The following KIAA2012 variants were observed in gnomAD, a reference collection of about 807,000 sequenced individuals.
KIAA2012 encodes uncharacterized protein KIAA2012.
A neutral mutation model predicts 150.6 loss-of-function variants in KIAA2012; 125 were observed. That is an observed-to-expected ratio of 0.83 (90% confidence interval 0.72 to 0.96). KIAA2012 has a LOEUF of 0.96. Ranked by LOEUF, KIAA2012 falls within the 40% of genes least tolerant of loss-of-function variation. The pLI, the probability that KIAA2012 is intolerant of heterozygous loss-of-function variation, is 0.00. For missense variants in KIAA2012, 1,219 were observed against 1,354.9 expected, an observed-to-expected ratio of 0.90 and a Z score of 1.57; for synonymous variants, 462 against 504.7, an observed-to-expected ratio of 0.92 and a Z score of 1.13.
chr2:202,184,668 C>T (rs1304462012), intron 15 of KIAA2012, 85 bp from the exon 16 acceptor site: 15 of 905,082 alleles, frequency 1.7e-5, no homozygotes, highest in Non-Finnish European at 2.1e-5. Context: ...TTTGGCTACT[C>T]ACCAGGTAGA....
chr2:202,164,877 G>A (rs1341856284), intron 14 of KIAA2012, among the ~76,000 whole-genome samples: 3 of 151,996 alleles, frequency 2.0e-5, no homozygotes, highest in Admixed American at 2.0e-4. Flanking sequence ...ATGAAAATAA[G>A]TACAACCAGA....
In KIAA2012 at chr2:202,133,101, T is replaced by TAAAAAA. The variant is rs376450801; in HGVS notation, c.1832-5327_1832-5322dup. Among the ~76,000 whole-genome samples, 54 of 74,136 alleles carry TAAAAAA rather than the reference T, an allele frequency of 7.3e-4. 1 individual carries two copies. The highest frequency in any genetic ancestry group is 1.7e-3 in the African/African-American group (28 of 16,760). The allele number at this position is 74,136 out of a possible 152,430, so 48.6% of individuals were successfully genotyped here. On this transcript the variant is annotated intron_variant, in intron 12 of 23. Transcript: ENST00000498697. ...GCCTGGGCGACAGTGTGAGACTGTC[T>TAAAAAA]AAAAAAAAATATATATATATATATA...
intron 13 of KIAA2012, among the ~76,000 whole-genome samples, chr2:202,149,072 C>A (rs1691365877): frequency 6.6e-6 from 1 of 152,122 alleles, no homozygotes. Flanking sequence ...AGGAAGGGCC[C>A]CTTCCAGGAT....
chr2:202,086,167 CAAAAAAA>C (rs56207993), intron 2 of KIAA2012, among the ~76,000 whole-genome samples: 6 of 90,152 alleles, frequency 6.7e-5, no homozygotes, highest in Admixed American at 1.3e-4. Flanking sequence ...AACTCTGTCT[CAAAAAAA>C]AAAAAAAAAA....
rs755339954 is a variant in KIAA2012, at chr2:202,193,382, G to T, written c.2893G>T (p.Val965Leu). Residue 965 changes from valine to leucine, a missense_variant, in exon 20 of 24, where the codon GTG becomes TTG. Physicochemically the swap from Val to Leu is conservative, Grantham distance 32. Transcript: ENST00000498697. Reference protein sequence around the residue: ...AERAEMRWLEVEKKRREQEEQ... With the variant: ...AERAEMRWLELEKKRREQEEQ... ...AAGAGCCGAGATGAGGTGGCTGGAG[G>T]TGGAGAAGAAGAGAAGGGAGCAGGA... The T allele has an allele frequency of 3.2e-6, 5 of 1,550,264 alleles. No individual in the cohort carries two copies. The highest frequency in any genetic ancestry group is 4.4e-6 in the Non-Finnish European group (5 of 1,146,862).
intron 15 of KIAA2012, among the ~76,000 whole-genome samples, chr2:202,171,476 G>C (rs1169273476): frequency 1.3e-5 from 2 of 152,222 alleles, no homozygotes; most frequent in Non-Finnish European, 2.9e-5. Flanking sequence ...CCTCTCTGCT[G>C]CGCGAGGTCG....
At chr2:202,184,407 T>C (rs184974317) in intron 15 of KIAA2012, among the ~76,000 whole-genome samples, 35 of 151,418 alleles carry the variant, frequency 2.3e-4, no homozygotes, top group African/African-American at 8.0e-4. Context: ...AAAAGTAATG[T>C]AATAAGAAGT....
rs569989875 is a variant in KIAA2012 at position 202,179,822 on chromosome 2, G to A, written c.2120-4931G>A. The A allele has an allele frequency of 3.1e-3, 1,918 of 620,974 alleles. 37 individuals are homozygous for A. Among genetic ancestry groups the A allele is most frequent in the South Asian group, 0.021 (1,552 of 73,290 alleles). The allele number at this position is 620,974 out of a possible 1,614,324, so 38.5% of individuals were successfully genotyped here. A position where few individuals can be genotyped will look rare whatever the true frequency, so the allele number is the denominator to read the frequency against. On this transcript the variant is annotated intron_variant, in intron 15 of 23. Transcript: ENST00000498697. ...AATGGGGAAACTTCCCTTGAGAAAA[G>A]ATAAAATGAAGATCTGGAACTTGAA...
In KIAA2012 at chr2:202,171,847, C is replaced by CTTT. The variant is rs60916677; in HGVS notation, c.2119+6508_2119+6510dup. Among the ~76,000 whole-genome samples, 885 of 116,676 alleles carry CTTT rather than the reference C, an allele frequency of 7.6e-3. 28 individuals carry two copies. Among genetic ancestry groups the CTTT allele is most frequent in the African/African-American group, 0.025 (722 of 29,300 alleles). 76.5% of individuals were successfully genotyped at this position (116,676 alleles called of 152,430 possible). ...AAAGGGAAGTAATTTTTGGCATTTA[C>CTTT]TTTTTTTTTTTTTTTTTTTGGAGAC... On this transcript the variant is annotated intron_variant, in intron 15 of 23. Transcript: ENST00000498697.
At chr2:202,178,916 T>C (rs919408616) in intron 15 of KIAA2012, 1 of 212,356 alleles carries the variant, frequency 4.7e-6, no homozygotes, top group Non-Finnish European at 9.4e-6. Flanking sequence ...CAAAATAACA[T>C]TGAAAAACAG....
chr2:202,179,548 G>T, intron 15 of KIAA2012: 1 of 686,680 alleles, frequency 1.5e-6, no homozygotes, highest in Non-Finnish European at 2.8e-6. Context: ...ATAACAAAGT[G>T]CTTGTGCACA....
intron 4 of KIAA2012, 46 bp from the exon 5 acceptor site, chr2:202,097,389 C>T (rs988649520): frequency 1.0e-5 from 16 of 1,545,830 alleles, no homozygotes; most frequent in African/African-American, 1.4e-5. Context: ...AAGAACACCA[C>T]GTCCATTTCC....
chr2:202,194,490 T>C, intron 21 of KIAA2012, 128 bp downstream of exon 21: 1 of 769,982 alleles, frequency 1.3e-6, no homozygotes, highest in Non-Finnish European at 1.8e-6. Flanking sequence ...TAATATAAAC[T>C]ATTTTTCAAA....
intron 8 of KIAA2012, among the ~76,000 whole-genome samples, chr2:202,103,542 T>C (rs1690106868): frequency 1.3e-5 from 2 of 152,110 alleles, no homozygotes; most frequent in East Asian, 3.9e-4. Flanking sequence ...CTGAGATGAA[T>C]TCATGGTTTG....
At chr2:202,088,074 TGTAAA>T (rs1237884351) in intron 2 of KIAA2012, among the ~76,000 whole-genome samples, 1 of 151,952 alleles carries the variant, frequency 6.6e-6, no homozygotes, top group Non-Finnish European at 1.5e-5. Context: ...CTAGAAACAA[TGTAAA>T]GTATAGGGAG....
intron 12 of KIAA2012, among the ~76,000 whole-genome samples, chr2:202,133,870 T>C (rs561634328): frequency 6.6e-6 from 1 of 152,360 alleles, no homozygotes; most frequent in South Asian, 2.1e-4. Context: ...CTGTAGGTCA[T>C]AGGTGTCTTG....
At chr2:202,144,114 T>C (rs1214306898) in intron 13 of KIAA2012, among the ~76,000 whole-genome samples, 2 of 152,226 alleles carry the variant, frequency 1.3e-5, no homozygotes, top group African/African-American at 2.4e-5. Context: ...ATTGTCACTT[T>C]TCTCCCTTTG....
In KIAA2012 at chr2:202,075,112, G is replaced by T; in HGVS notation, c.306G>T (p.Leu102=). The T allele has an allele frequency of 6.4e-7, 1 of 1,550,408 alleles. No homozygotes were observed. Among genetic ancestry groups the T allele is most frequent in the East Asian group, 2.4e-5 (1 of 40,910 alleles). Residue 102 remains leucine, a synonymous_variant, in exon 2 of 24, where the codon CTG becomes CTT. Transcript: ENST00000498697. The part of the protein sequence containing the change: ...PYCPRGPWRK[L]DLELHTLQDL... Reference sequence around the variant, plus strand: ...GCCCCAGAGGTCCCTGGAGGAAGCTGGATCTTGAACTGCACACACTTCAAG... The same window carrying T: ...GCCCCAGAGGTCCCTGGAGGAAGCTTGATCTTGAACTGCACACACTTCAAG...
At chr2:202,180,443 T>C (rs190065791) in intron 15 of KIAA2012, among the ~76,000 whole-genome samples, 1 of 152,328 alleles carries the variant, frequency 6.6e-6, no homozygotes, top group East Asian at 1.9e-4. Flanking sequence ...ATGACACTTA[T>C]AAATCCTGAT....
Sources: gnomAD v4.1 joint callset for allele counts (sites outside exome capture counted in the v4.1 genomes callset) on GRCh38, gnomAD v4.1.1 for gene constraint, MANE v1.5 for transcripts, NCBI Gene and HGNC (gene_info 2026-07-23, HGNC 2026-07-21) for gene names.